The following POU2F1 variants were observed in gnomAD, a reference collection of about 807,000 sequenced individuals.
POU2F1 encodes POU class 2 homeobox 1, also known as POU domain, class 2, transcription factor 1.
POU2F1 carries 16 observed loss-of-function variants against 84.9 expected under a neutral mutation model. The observed-to-expected ratio is 0.19, with a 90% CI of 0.13 to 0.29. The LOEUF is 0.29. Among genes scored for constraint, POU2F1 ranks in the 10% least tolerant of loss-of-function variants. The pLI, the probability that POU2F1 is intolerant of heterozygous loss-of-function variation, is 1.00. For synonymous variants in POU2F1, 368 were observed against 368.3 expected, an observed-to-expected ratio of 1.00 and a Z score of 0.01; for missense variants, 738 against 942.6, an observed-to-expected ratio of 0.78 and a Z score of 2.84.
intron 1 of POU2F1, among the ~76,000 whole-genome samples, chr1:167,311,024 G>C (rs913915143): frequency 8.5e-5 from 13 of 152,162 alleles, no homozygotes; most frequent in African/African-American, 3.1e-4. Flanking sequence ...TCATCTGAAT[G>C]CTGGGAAGAG....
At chr1:167,247,038 A>ATG (rs10592064) in intron 1 of POU2F1, among the ~76,000 whole-genome samples, 1,050 of 75,004 alleles carry the variant, frequency 0.014, 8 homozygotes, top group Middle Eastern at 0.042. Context: ...TTATATATAT[A>ATG]TGTGTGTGTG....
At chr1:167,250,065 C>G (rs745336292) in intron 1 of POU2F1, among the ~76,000 whole-genome samples, 10 of 151,996 alleles carry the variant, frequency 6.6e-5, no homozygotes, top group Non-Finnish European at 8.8e-5. Flanking sequence ...TCTGTAGTAT[C>G]AAATTCTTTT....
At chr1:167,253,445 T>TTTTTTGGTC (rs1221647561) in intron 1 of POU2F1, among the ~76,000 whole-genome samples, 1 of 149,284 alleles carries the variant, frequency 6.7e-6, no homozygotes, top group Non-Finnish European at 1.5e-5. Context: ...TTTTTTGGGT[T>TTTTTTGGTC]TTTTTGGTCT....
intron 1 of POU2F1, among the ~76,000 whole-genome samples, chr1:167,302,032 C>T (rs1396703035): frequency 6.6e-6 from 1 of 151,982 alleles, no homozygotes; most frequent in African/African-American, 2.4e-5. Flanking sequence ...AGCCTCTATG[C>T]TCCCCTTCAC....
intron 1 of POU2F1, among the ~76,000 whole-genome samples, chr1:167,276,530 C>G (rs1244296774): frequency 6.6e-6 from 1 of 151,834 alleles, no homozygotes. Context: ...TGGAATGTGC[C>G]CCCCACAGAT....
In POU2F1 at chr1:167,416,050, A is replaced by T; in HGVS notation, c.*240A>T. ...TGTAATAAAACACTGTCTTTTCAGG[A>T]TTGCTTCATGGATTGGAGAACTTTC... On this transcript the variant is annotated 3_prime_UTR_variant, in exon 16 of 16. Transcript: ENST00000367866. 10 of 561,356 alleles carry T rather than the reference A, an allele frequency of 1.8e-5. No homozygotes were observed. The highest frequency in any genetic ancestry group is 3.2e-5 in the Admixed American group (1 of 31,208). 34.8% of individuals were successfully genotyped at this position (561,356 alleles called of 1,614,324 possible). A position where few individuals can be genotyped will look rare whatever the true frequency, so the allele number is the denominator to read the frequency against.
chr1:167,323,618 G>C (rs1035265297), intron 1 of POU2F1, among the ~76,000 whole-genome samples: 6 of 152,162 alleles, frequency 3.9e-5, no homozygotes, highest in Non-Finnish European at 7.4e-5. Flanking sequence ...GAGTTGTAAA[G>C]TTATTAAGAA....
chr1:167,257,194 T>C (rs1048085607), intron 1 of POU2F1, among the ~76,000 whole-genome samples: 6 of 152,232 alleles, frequency 3.9e-5, no homozygotes, highest in African/African-American at 1.4e-4. Context: ...TCAAATGGTC[T>C]CTCACTTTAA....
At chr1:167,307,131 T>C (rs1479544069) in intron 1 of POU2F1, among the ~76,000 whole-genome samples, 1 of 152,224 alleles carries the variant, frequency 6.6e-6, no homozygotes, top group Non-Finnish European at 1.5e-5. Context: ...TTCTAAAATA[T>C]TAATAGAATT....
chr1:167,378,767 G>A (rs1647268509), intron 7 of POU2F1, among the ~76,000 whole-genome samples: 1 of 151,654 alleles, frequency 6.6e-6, no homozygotes, highest in South Asian at 2.1e-4. Flanking sequence ...CAGGCTCCTC[G>A]TTCTTGCTCT....
chr1:167,252,451 T>C (rs1026297006), intron 1 of POU2F1, among the ~76,000 whole-genome samples: 141 of 152,256 alleles, frequency 9.3e-4, no homozygotes, highest in South Asian at 4.1e-4. Context: ...AAAATACTTA[T>C]TTGAAATATT....
At chr1:167,317,661 G>A (rs34885358) in intron 1 of POU2F1, among the ~76,000 whole-genome samples, 14,591 of 152,218 alleles carry the variant, frequency 0.096, 1,782 homozygotes, top group African/African-American at 0.29. Flanking sequence ...TTTGTGGTTC[G>A]GGAATGCCTT....
intron 1 of POU2F1, among the ~76,000 whole-genome samples, chr1:167,237,994 C>A (rs1649631200): frequency 6.6e-6 from 1 of 151,512 alleles, no homozygotes; most frequent in Non-Finnish European, 1.5e-5. Context: ...GTTGGCCAGG[C>A]TGGTCTCTAA....
intron 1 of POU2F1, among the ~76,000 whole-genome samples, chr1:167,286,516 C>T (rs962131537): frequency 3.9e-5 from 6 of 152,098 alleles, no homozygotes; most frequent in African/African-American, 9.7e-5. Flanking sequence ...AAAATTATAG[C>T]GAAGTTAAGC....
rs1431552668 is a variant in POU2F1, at chr1:167,424,636, A to T, written c.*8826A>T. ...AAACTCTGGCCTATAGCATCATGGG[A>T]CCTGTAGCCTAGGGTGGGACCCCCT... is the stretch of plus-strand genomic sequence containing the variant. On this transcript the variant is annotated 3_prime_UTR_variant, in exon 16 of 16. Coordinates refer to ENST00000367866, the MANE Select transcript of POU2F1 (RefSeq NM_002697.4). 6.6e-6 allele frequency: 1 copy of T among 152,198 alleles called. No individual in the cohort carries two copies. The highest frequency in any genetic ancestry group is 2.4e-5 in the African/African-American group (1 of 41,442). The allele number at this position is 152,198 out of a possible 1,614,324, so 9.4% of individuals were successfully genotyped here. A position where few individuals can be genotyped will look rare whatever the true frequency, so the allele number is the denominator to read the frequency against.
rs775595187 is a variant in POU2F1, at chr1:167,421,792, G to A, written c.*5982G>A. On this transcript the variant is annotated 3_prime_UTR_variant, in exon 16 of 16. Coordinates refer to ENST00000367866, the MANE Select transcript of POU2F1 (RefSeq NM_002697.4). ...AAGTGAAAAAATTTTATAAATAGTGGAAATAATTCTAGCTGTAGCATTTAG... is the reference window on the plus strand; with the variant it reads ...AAGTGAAAAAATTTTATAAATAGTGAAAATAATTCTAGCTGTAGCATTTAG... The A allele has an allele frequency of 2.0e-5, 3 of 150,924 alleles. No homozygotes were observed. Among genetic ancestry groups the A allele is most frequent in the Admixed American group, 6.7e-5 (1 of 14,974 alleles). The allele number at this position is 150,924 out of a possible 1,614,324, so 9.3% of individuals were successfully genotyped here.
rs568127269 is a variant in POU2F1, at chr1:167,364,338, G to A, written c.128-1129G>A. Among the ~76,000 whole-genome samples, 3 of 151,286 alleles carry A rather than the reference G, an allele frequency of 2.0e-5. No homozygotes were observed. In the East Asian group the frequency reaches 5.9e-4, roughly 30 times the overall value. Reference sequence around the variant, plus strand: ...GAGGTCAGGAGATCGAGACCATCCCGGCTATAACGGTGAAACCCCGTCTCT... The same window carrying A: ...GAGGTCAGGAGATCGAGACCATCCCAGCTATAACGGTGAAACCCCGTCTCT... On this transcript the variant is annotated intron_variant, in intron 2 of 15. Transcript: ENST00000367866.
chr1:167,370,216 T>C lies in POU2F1; in HGVS notation c.282+2T>C, dbSNP rs1418593287. On this transcript the variant is annotated splice_donor_variant, in intron 4 of 15. Coordinates refer to ENST00000367866, the MANE Select transcript of POU2F1 (RefSeq NM_002697.4). LOFTEE classifies it high-confidence loss of function. ...GCTGCTCAGTCTTTAAATGTACAGG[T>C]AAGCTGGGACCTGGGATTATGGGTC... 5 of 1,597,040 alleles carry C rather than the reference T, an allele frequency of 3.1e-6. No individual in the cohort carries two copies. The highest frequency in any genetic ancestry group is 1.7e-5 in the Admixed American group (1 of 59,776).
chr1:167,381,141 G>A (rs1647509438), intron 7 of POU2F1: 1 of 152,282 alleles, frequency 6.6e-6, no homozygotes, highest in Non-Finnish European at 1.5e-5. Context: ...GGAGTGCAGT[G>A]GTGTGATCTT....
Sources: gnomAD v4.1 joint callset for allele counts (sites outside exome capture counted in the v4.1 genomes callset) on GRCh38, gnomAD v4.1.1 for gene constraint, MANE v1.5 for transcripts, NCBI Gene and HGNC (gene_info 2026-07-23, HGNC 2026-07-21) for gene names.